STS: variants seen among roughly 807,000 people sequenced by gnomAD.
STS encodes steroid sulfatase.
A neutral mutation model predicts 26.8 loss-of-function variants in STS; 7 were observed. The observed-to-expected ratio is 0.26, with a 90% CI of 0.15 to 0.49. The LOEUF (loss-of-function observed/expected upper bound fraction) is 0.49, where lower values mean the gene tolerates loss of function less well. STS is among the 20% of genes least tolerant of loss of function. The pLI, the probability that STS is intolerant of heterozygous loss-of-function variation, is 0.98. For synonymous variants in STS, 199 were observed against 189.4 expected (o/e 1.05, Z -0.42); for missense variants, 434 against 465.6 (o/e 0.93, Z 0.63).
At position 7,254,198 on chromosome X, in the gene STS, A is replaced by G. The variant is rs1923285348; in HGVS notation, c.137+862A>G. On this transcript the variant is annotated intron_variant, in intron 3 of 10. Coordinates refer to ENST00000674429, the MANE Select transcript of STS (RefSeq NM_001320752.2). ...ACAATCAGGAGAGGTATCATGTTTT[A>G]GGACCTCATAACTTGCCAGTAATTA... Among the ~76,000 whole-genome samples, 5 of 112,178 alleles carry G rather than the reference A, an allele frequency of 4.5e-5. No individual in the cohort carries two copies. The South Asian group carries it at 1.9e-3, about 42-fold the overall frequency.
At chrX:7,288,910 G>A (rs1460741963) in intron 7 of STS, among the ~76,000 whole-genome samples, 2 of 111,694 alleles carry the variant, frequency 1.8e-5, no homozygotes, top group East Asian at 5.6e-4. Flanking sequence ...CTGTAGCCCA[G>A]TAGTCTCTTC....
intron 2 of STS, among the ~76,000 whole-genome samples, chrX:7,199,097 T>C (rs1934022916): frequency 8.9e-6 from 1 of 111,884 alleles, no homozygotes; most frequent in Non-Finnish European, 1.9e-5. Context: ...AAATTCATAT[T>C]TAATCCTCCA....
intron 2 of STS, among the ~76,000 whole-genome samples, chrX:7,222,528 CAA>C (rs770658761): frequency 1.3e-4 from 5 of 39,422 alleles, no homozygotes; most frequent in African/African-American, 4.0e-4. Flanking sequence ...CCCTCAGCTG[CAA>C]AAAAAAAAAA....
intron 2 of STS, among the ~76,000 whole-genome samples, chrX:7,228,007 G>A (rs1921893877): frequency 8.9e-6 from 1 of 111,901 alleles, no homozygotes; most frequent in Non-Finnish European, 1.9e-5. Flanking sequence ...CTTAACATAA[G>A]GTTCTCAAGG....
intron 2 of STS, among the ~76,000 whole-genome samples, chrX:7,194,967 G>A (rs1218218614): frequency 9.0e-5 from 10 of 111,533 alleles, no homozygotes. Flanking sequence ...AATACTGCAG[G>A]CGGTTGTAAC....
chrX:7,213,014 G>A (rs1263443594), intron 2 of STS, among the ~76,000 whole-genome samples: 1 of 111,587 alleles, frequency 9.0e-6, no homozygotes, highest in Non-Finnish European at 1.9e-5. Flanking sequence ...AAACTGTTGA[G>A]CCCAGACTGG....
At chrX:7,298,489 C>T (rs1925771781) in intron 7 of STS, among the ~76,000 whole-genome samples, 1 of 111,193 alleles carries the variant, frequency 9.0e-6, no homozygotes, top group Non-Finnish European at 1.9e-5. Context: ...AGATGATACA[C>T]CTATTTGTGC....
At chrX:7,241,682 G>A (rs1367286607) in intron 2 of STS, among the ~76,000 whole-genome samples, 6 of 112,052 alleles carry the variant, frequency 5.4e-5, no homozygotes, top group African/African-American at 9.7e-5. Context: ...CTACTACTGT[G>A]TAACAAATTA....
intron 2 of STS, among the ~76,000 whole-genome samples, chrX:7,250,002 A>C (rs1047384554): frequency 9.0e-6 from 1 of 111,011 alleles, no homozygotes; most frequent in Non-Finnish European, 1.9e-5. Context: ...ATCAGAGCTC[A>C]CTGTAGTCTC....
At chrX:7,291,902 C>T (rs1030126527) in intron 7 of STS, among the ~76,000 whole-genome samples, 6 of 111,784 alleles carry the variant, frequency 5.4e-5, no homozygotes, top group Admixed American at 4.8e-4. Flanking sequence ...TGTCAAATAC[C>T]TGTGCCGACA....
At chrX:7,163,805 G>A (rs1301254992) in intron 1 of STS, among the ~76,000 whole-genome samples, 1 of 111,908 alleles carries the variant, frequency 8.9e-6, no homozygotes, top group Non-Finnish European at 1.9e-5. Flanking sequence ...ACAGATTGTG[G>A]GTATTCATTT....
chrX:7,303,248 TTG>T (rs772228342), intron 7 of STS, among the ~76,000 whole-genome samples: 1 of 111,284 alleles, frequency 9.0e-6, no homozygotes, highest in South Asian at 3.9e-4. Context: ...GCTGCCATGA[TTG>T]TGAGGCCTTC....
chrX:7,220,783 C>T (rs897545889), intron 2 of STS, among the ~76,000 whole-genome samples: 19 of 109,982 alleles, frequency 1.7e-4, no homozygotes, highest in Non-Finnish European at 2.5e-4. Context: ...CTCCTGATCT[C>T]GTGATCCGCC....
chrX:7,193,340 G>A (rs937464176), intron 2 of STS, among the ~76,000 whole-genome samples: 25 of 111,801 alleles, frequency 2.2e-4, no homozygotes, highest in African/African-American at 7.8e-4. Context: ...TTCTGACCTC[G>A]CTTTCAAAGT....
At chrX:7,199,564 GT>G (rs1174057126) in intron 2 of STS, among the ~76,000 whole-genome samples, 2 of 110,950 alleles carry the variant, frequency 1.8e-5, no homozygotes, top group Admixed American at 9.6e-5. Flanking sequence ...AGTCCTTAGG[GT>G]TTTTGCAGTT....
intron 9 of STS, among the ~76,000 whole-genome samples, chrX:7,332,822 G>A (rs1051026804): frequency 7.2e-5 from 8 of 111,580 alleles, no homozygotes; most frequent in Non-Finnish European, 7.5e-5. Context: ...TCTTCCCCTC[G>A]TGGTTCACAG....
intron 6 of STS, among the ~76,000 whole-genome samples, chrX:7,262,076 C>A (rs1294220645): frequency 1.8e-5 from 2 of 112,069 alleles, no homozygotes; most frequent in Non-Finnish European, 3.8e-5. Context: ...AGCTGCCCAA[C>A]GGCTGAGGGA....
intron 2 of STS, among the ~76,000 whole-genome samples, chrX:7,218,808 C>A (rs1455599391): frequency 2.7e-5 from 3 of 111,853 alleles, no homozygotes; most frequent in Non-Finnish European, 5.6e-5. Context: ...AACTTAGCAA[C>A]CTCTTTTTTT....
At chrX:7,252,727 G>A (rs776676179) in intron 2 of STS, among the ~76,000 whole-genome samples, 68 of 112,016 alleles carry the variant, frequency 6.1e-4, no homozygotes, top group Admixed American at 4.0e-3. Context: ...AGGTGAGAGC[G>A]TGTTGGGATG....
Sources: gnomAD v4.1 joint callset for allele counts (sites outside exome capture counted in the v4.1 genomes callset) on GRCh38, gnomAD v4.1.1 for gene constraint, MANE v1.5 for transcripts, NCBI Gene and HGNC (gene_info 2026-07-23, HGNC 2026-07-21) for gene names.